The following NYAP2 variants were observed in gnomAD, a reference collection of about 807,000 sequenced individuals.
NYAP2 encodes the protein neuronal tyrosine-phosphorylated phosphoinositide-3-kinase adapter 2.
NYAP2 carries 23 observed loss-of-function variants against 50.4 expected under a neutral mutation model. The ratio of observed to expected loss-of-function variants is 0.46; its 90% CI spans 0.33 to 0.65. The LOEUF (loss-of-function observed/expected upper bound fraction) is 0.65. NYAP2 is among the 30% of genes least tolerant of loss of function. NYAP2 has a pLI of 0.02. For missense variants in NYAP2, 885 were observed against 861.0 expected, an observed-to-expected ratio of 1.03 and a Z score of -0.35; for synonymous variants, 394 against 365.2, an observed-to-expected ratio of 1.08 and a Z score of -0.90.
intron 5 of NYAP2, among the ~76,000 whole-genome samples, chr2:225,584,402 A>G (rs1193366096): frequency 2.0e-5 from 3 of 152,246 alleles, no homozygotes; most frequent in South Asian, 4.1e-4. Context: ...TATTAAATCA[A>G]TTCACAAGTA....
At chr2:225,467,141 A>AT (rs1411676173) in intron 3 of NYAP2, among the ~76,000 whole-genome samples, 1 of 152,098 alleles carries the variant, frequency 6.6e-6, no homozygotes, top group Non-Finnish European at 1.5e-5. Flanking sequence ...GAACATGCGC[A>AT]GTGTGTTTAC....
intron 3 of NYAP2, among the ~76,000 whole-genome samples, chr2:225,462,944 T>C (rs1184602808): frequency 1.3e-5 from 2 of 152,250 alleles, no homozygotes; most frequent in Non-Finnish European, 2.9e-5. Flanking sequence ...TATGTACTAA[T>C]GATCTGTAGC....
intron 6 of NYAP2, among the ~76,000 whole-genome samples, chr2:225,633,797 A>T (rs1693363335): frequency 6.6e-6 from 1 of 152,228 alleles, no homozygotes; most frequent in South Asian, 2.1e-4. Flanking sequence ...TATTATGTGA[A>T]ATCTCCCAAC....
chr2:225,570,645 C>G (rs1418538644), intron 4 of NYAP2, among the ~76,000 whole-genome samples: 2 of 152,212 alleles, frequency 1.3e-5, no homozygotes, highest in African/African-American at 4.8e-5. Context: ...TCAATTACTT[C>G]TCACTGGGCC....
At chr2:225,548,577 C>T (rs759800473) in intron 4 of NYAP2, among the ~76,000 whole-genome samples, 1 of 150,518 alleles carries the variant, frequency 6.6e-6, no homozygotes, top group Non-Finnish European at 1.5e-5. Flanking sequence ...TGGGAGCAAA[C>T]GAAGAATGCA....
At chr2:225,609,556 G>A (rs1374977681) in intron 5 of NYAP2, among the ~76,000 whole-genome samples, 1 of 152,108 alleles carries the variant, frequency 6.6e-6, no homozygotes, top group Non-Finnish European at 1.5e-5. Flanking sequence ...GCTGCATATG[G>A]AGAAGTCTGT....
At chr2:225,627,912 G>C (rs1175916513) in intron 6 of NYAP2, among the ~76,000 whole-genome samples, 1 of 152,176 alleles carries the variant, frequency 6.6e-6, no homozygotes, top group African/African-American at 2.4e-5. Flanking sequence ...AAGAGTGTTA[G>C]AGCTCCAAAG....
rs114908411 is a variant in NYAP2 at position 225,615,130 on chromosome 2, C to T, written c.1619-11787C>T. On this transcript the variant is annotated intron_variant, in intron 5 of 6. Coordinates refer to ENST00000636099, the Ensembl canonical transcript of NYAP2. ...CACCTGCATTCTAATGGCTAGACCT[C>T]GGTTATACAGCTCTCCCTAGCTGCA... Among the ~76,000 whole-genome samples, 382 of 152,192 alleles carry T rather than the reference C, an allele frequency of 2.5e-3. 5 individuals carry two copies. Among genetic ancestry groups the T allele is most frequent in the African/African-American group, 8.9e-3 (370 of 41,528 alleles).
At chr2:225,483,994 G>A (rs546190923) in intron 3 of NYAP2, among the ~76,000 whole-genome samples, 1 of 152,214 alleles carries the variant, frequency 6.6e-6, no homozygotes, top group East Asian at 1.9e-4. Context: ...CCAAGGTTGT[G>A]GTTTACAGGA....
intron 6 of NYAP2, among the ~76,000 whole-genome samples, chr2:225,633,592 G>T (rs1307056021): frequency 1.3e-5 from 2 of 152,134 alleles, no homozygotes; most frequent in African/African-American, 4.8e-5. Context: ...TCCCACATTT[G>T]TTAGAAGCAT....
At chr2:225,604,750 A>G (rs1692755507) in intron 5 of NYAP2, among the ~76,000 whole-genome samples, 1 of 152,088 alleles carries the variant, frequency 6.6e-6, no homozygotes, top group Non-Finnish European at 1.5e-5. Context: ...CAAATTTCAT[A>G]TTGGCCACTA....
intron 3 of NYAP2, among the ~76,000 whole-genome samples, chr2:225,466,917 G>A (rs1351926126): frequency 6.6e-6 from 1 of 152,176 alleles, no homozygotes; most frequent in Non-Finnish European, 1.5e-5. Context: ...AGGAGTAAAA[G>A]TTTATTAAAA....
downstream of NYAP2, among the ~76,000 whole-genome samples, chr2:225,655,937 TAC>T (rs1307721608): frequency 1.6e-4 from 13 of 81,456 alleles, no homozygotes; most frequent in South Asian, 4.8e-4. Context: ...CATACACACA[TAC>T]ACACACACAC....
the NYAP2 span, among the ~76,000 whole-genome samples, chr2:225,673,025 A>G: frequency 6.6e-6 from 1 of 151,874 alleles, no homozygotes; most frequent in Non-Finnish European, 1.5e-5. Context: ...AAAAAAAAAA[A>G]GAGGTTTAAT....
chr2:225,519,485 T>A (rs1329560374), intron 4 of NYAP2, among the ~76,000 whole-genome samples: 1 of 142,506 alleles, frequency 7.0e-6, no homozygotes, highest in African/African-American at 2.6e-5. Flanking sequence ...TGTGTTCTCA[T>A]TGTTCAGTTC....
chr2:225,652,947 C>A (rs1353446333), exon 7 of NYAP2: 1 of 151,994 alleles, frequency 6.6e-6, no homozygotes, highest in African/African-American at 2.4e-5. Flanking sequence ...TCTCAAGTAC[C>A]ATTTAGAATT....
intron 6 of NYAP2, among the ~76,000 whole-genome samples, chr2:225,642,258 A>G (rs1335524467): frequency 1.3e-5 from 2 of 151,924 alleles, no homozygotes; most frequent in East Asian, 3.9e-4. Flanking sequence ...AGCTGTGTGT[A>G]CCATTGTGTG....
At chr2:225,425,285 T>C (rs2106129567) in intron 3 of NYAP2, among the ~76,000 whole-genome samples, 1 of 152,292 alleles carries the variant, frequency 6.6e-6, no homozygotes, top group South Asian at 2.1e-4. Context: ...CATATCAGCA[T>C]TTATATTTTT....
intron 3 of NYAP2, among the ~76,000 whole-genome samples, chr2:225,432,350 T>C (rs149349943): frequency 3.3e-5 from 5 of 151,094 alleles, no homozygotes; most frequent in East Asian, 1.9e-4. Flanking sequence ...GGATATTATA[T>C]GTACATTTGT....
Sources: allele counts gnomAD v4.1 joint callset (sites outside exome capture counted in the v4.1 genomes callset), GRCh38; gene constraint gnomAD v4.1.1; transcripts MANE v1.5; gene names NCBI Gene and HGNC (gene_info 2026-07-23, HGNC 2026-07-21).